PLXNA4: variants seen among roughly 807,000 people sequenced by gnomAD.
PLXNA4 encodes the protein plexin A4.
A neutral mutation model predicts 191.8 loss-of-function variants in PLXNA4; 44 were observed. That is an observed-to-expected ratio of 0.23 (90% CI 0.18 to 0.29). The LOEUF is 0.29. PLXNA4 is among the 10% of genes least tolerant of loss of function. PLXNA4 has a pLI of 1.00. For synonymous variants in PLXNA4, 1,082 were observed against 1,009.5 expected (o/e 1.07, Z -1.36); for missense variants, 1,800 against 2,488.8 (o/e 0.72, Z 5.89).
At chr7:132,154,171 C>T (rs565668099) in intron 25 of PLXNA4, among the ~76,000 whole-genome samples, 6 of 152,154 alleles carry the variant, frequency 3.9e-5, no homozygotes, top group Admixed American at 1.3e-4. Flanking sequence ...CTCCAAACCC[C>T]GGGCTGAGAA....
intron 6 of PLXNA4, 112 bp downstream of exon 6, chr7:132,228,234 C>T: frequency 1.4e-6 from 2 of 1,422,460 alleles, no homozygotes; most frequent in Non-Finnish European, 9.6e-7. Context: ...GCTGCTTCTG[C>T]TGGCCGGGCT....
chr7:132,458,581 A>G (rs982756360), intron 3 of PLXNA4, among the ~76,000 whole-genome samples: 12 of 151,606 alleles, frequency 7.9e-5, no homozygotes, highest in Admixed American at 2.0e-4. Flanking sequence ...TATGGACTGC[A>G]GGATTCCAGG....
At chr7:132,187,159 A>T (rs10280346) in intron 15 of PLXNA4, among the ~76,000 whole-genome samples, 22,985 of 152,030 alleles carry the variant, frequency 0.15, 2,837 homozygotes, top group African/African-American at 0.34. Flanking sequence ...ACCAATCAGC[A>T]TTCCCCACTC....
intron 3 of PLXNA4, among the ~76,000 whole-genome samples, chr7:132,344,993 A>G (rs1803187379): frequency 6.6e-6 from 1 of 152,172 alleles, no homozygotes; most frequent in Non-Finnish European, 1.5e-5. Context: ...GTGGTAAATA[A>G]TACATATTTT....
intron 1 of PLXNA4, among the ~76,000 whole-genome samples, chr7:132,552,030 G>A (rs1800584640): frequency 1.3e-5 from 2 of 152,172 alleles, no homozygotes; most frequent in South Asian, 4.1e-4. Flanking sequence ...TTATTAGCAG[G>A]TTTGCTGAGG....
intron 3 of PLXNA4, among the ~76,000 whole-genome samples, chr7:132,481,812 T>C (rs1012813840): frequency 6.6e-6 from 1 of 152,204 alleles, no homozygotes; most frequent in Non-Finnish European, 1.5e-5. Flanking sequence ...TCTCTCCAGA[T>C]GAACGGAGCA....
chr7:132,613,952 C>T (rs1803103175), intron 2 of PLXNA4, among the ~76,000 whole-genome samples: 1 of 152,158 alleles, frequency 6.6e-6, no homozygotes, highest in Admixed American at 6.5e-5. Context: ...GGAGGTTTTG[C>T]AGGATGCATA....
chr7:132,490,049 G>A (rs1797725561), intron 2 of PLXNA4, among the ~76,000 whole-genome samples: 1 of 152,248 alleles, frequency 6.6e-6, no homozygotes. Context: ...AGAGGCATGT[G>A]CAGGCAATCA....
At chr7:132,560,799 C>T (rs1419207940) in intron 1 of PLXNA4, among the ~76,000 whole-genome samples, 1 of 152,106 alleles carries the variant, frequency 6.6e-6, no homozygotes, top group African/African-American at 2.4e-5. Flanking sequence ...CTGCCCGTTC[C>T]TTGCTGCCCA....
intron 1 of PLXNA4, among the ~76,000 whole-genome samples, chr7:132,518,919 GTCTGCCGT>G (rs140065681): frequency 0.11 from 16,098 of 152,108 alleles, 1,037 homozygotes; most frequent in Non-Finnish European, 0.14. Flanking sequence ...CCCTGGCCAA[GTCTGCCGT>G]TCCCAGTAGA....
chr7:132,521,541 G>C (rs1273997463), intron 1 of PLXNA4, among the ~76,000 whole-genome samples: 2 of 152,110 alleles, frequency 1.3e-5, no homozygotes, highest in Non-Finnish European at 2.9e-5. Context: ...TGGCCAAGAA[G>C]ATGTGCAGTT....
At chr7:132,396,478 G>A (rs994047274) in intron 3 of PLXNA4, among the ~76,000 whole-genome samples, 4 of 151,980 alleles carry the variant, frequency 2.6e-5, no homozygotes, top group Non-Finnish European at 5.9e-5. Flanking sequence ...CTGGACTTGG[G>A]TTTTGGGTTT....
At position 132,124,190 on chromosome 7, in the gene PLXNA4, C is replaced by T. The variant is rs1159592372; in HGVS notation, c.*6289G>A. 6.6e-6 allele frequency: 1 copy of T among 152,222 alleles called. No individual in the cohort carries two copies. The highest frequency in any genetic ancestry group is 1.5e-5 in the Non-Finnish European group (1 of 68,042). The allele number at this position is 152,222 out of a possible 1,614,324, so 9.4% of individuals were successfully genotyped here. On this transcript the variant is annotated 3_prime_UTR_variant, in exon 32 of 32. Coordinates refer to ENST00000321063, the MANE Select transcript of PLXNA4 (RefSeq NM_020911.2). ...GGGGAGGGCTGTCCATTCTAAAACA[C>T]AAAATCGTTGGTTTCCGAATGGAAA...
intron 3 of PLXNA4, among the ~76,000 whole-genome samples, chr7:132,476,441 C>T (rs1273425906): frequency 6.6e-6 from 1 of 152,172 alleles, no homozygotes; most frequent in Non-Finnish European, 1.5e-5. Flanking sequence ...AGATAAAAAT[C>T]AATGTTTTTC....
At chr7:132,503,358 G>C (rs533000541) in intron 2 of PLXNA4, among the ~76,000 whole-genome samples, 2 of 152,308 alleles carry the variant, frequency 1.3e-5, no homozygotes, top group East Asian at 3.9e-4. Flanking sequence ...TAGTTCGTTA[G>C]TGTTGGATGA....
At chr7:132,188,995 AGAGAGAGAGAGAGAG>A (rs1265406215) in intron 14 of PLXNA4, among the ~76,000 whole-genome samples, 1 of 26,802 alleles carries the variant, frequency 3.7e-5, no homozygotes, top group Non-Finnish European at 7.7e-5. Context: ...AAAGGAAAGG[AGAGAGAGAGAGAGAG>A]AGAGAGAGAG....
intron 4 of PLXNA4, among the ~76,000 whole-genome samples, chr7:132,276,887 TG>T (rs1368884289): frequency 6.6e-6 from 1 of 152,082 alleles, no homozygotes; most frequent in Non-Finnish European, 1.5e-5. Context: ...TTACGGCCAG[TG>T]GGTAATAGCA....
intron 10 of PLXNA4, among the ~76,000 whole-genome samples, chr7:132,205,265 C>T (rs1022694283): frequency 3.3e-5 from 5 of 152,288 alleles, no homozygotes; most frequent in East Asian, 1.9e-4. Context: ...TCTATGGATT[C>T]CTTCAGCAGA....
At chr7:132,186,726 C>G (rs1246894126) in intron 15 of PLXNA4, among the ~76,000 whole-genome samples, 1 of 152,150 alleles carries the variant, frequency 6.6e-6, no homozygotes, top group Admixed American at 6.5e-5. Flanking sequence ...TCCAAGCTAC[C>G]CTTGTTCATT....
Sources: gnomAD v4.1 joint callset for allele counts (sites outside exome capture counted in the v4.1 genomes callset) on GRCh38, gnomAD v4.1.1 for gene constraint, MANE v1.5 for transcripts, NCBI Gene and HGNC (gene_info 2026-07-23, HGNC 2026-07-21) for gene names.